The following ZMYND8 variants were observed in gnomAD, a reference collection of about 807,000 sequenced individuals.
The protein encoded by ZMYND8 is MYND-type zinc finger-containing chromatin reader ZMYND8.
Under a neutral mutation model 140.8 loss-of-function variants are expected in ZMYND8, and 37 were observed. The ratio of observed to expected loss-of-function variants is 0.26; its 90% CI spans 0.20 to 0.35. The LOEUF (loss-of-function observed/expected upper bound fraction) is 0.35. ZMYND8 is among the 10% of genes least tolerant of loss of function. The pLI, the probability that ZMYND8 is intolerant of heterozygous loss-of-function variation, is 1.00. For missense variants in ZMYND8, 1,068 were observed against 1,570.0 expected, an observed-to-expected ratio of 0.68 and a Z score of 5.40; for synonymous variants, 592 against 597.1, an observed-to-expected ratio of 0.99 and a Z score of 0.12.
intron 2 of ZMYND8, among the ~76,000 whole-genome samples, chr20:47,325,387 G>A (rs1329306141): frequency 3.9e-5 from 6 of 152,134 alleles, no homozygotes; most frequent in Non-Finnish European, 7.3e-5. Flanking sequence ...CTAACTGAGC[G>A]ACTGTACAGG....
In ZMYND8 at chr20:47,280,729, G is replaced by C. The variant is rs539035206; in HGVS notation, c.998+1373C>G. 2.6e-5 allele frequency among the ~76,000 whole-genome samples: 4 copies of C among 152,252 alleles called. No homozygotes were observed. The East Asian group carries it at 7.7e-4, about 29-fold the overall frequency. ...TTCACATTTGTCATGCTCTGATGAAGAGGAGGGATGTACAGCCTGTCACCA... is the reference window on the plus strand; with the variant it reads ...TTCACATTTGTCATGCTCTGATGAACAGGAGGGATGTACAGCCTGTCACCA... On this transcript the variant is annotated intron_variant, in intron 10 of 22. Transcript: ENST00000471951.
At chr20:47,319,266 G>A (rs1305847155) in intron 2 of ZMYND8, 1 of 350,502 alleles carries the variant, frequency 2.9e-6, no homozygotes, top group African/African-American at 2.1e-5. Flanking sequence ...GCTCGGCTGA[G>A]CTGAAAGTCT....
At chr20:47,297,085 C>T (rs2077685904) in intron 4 of ZMYND8, among the ~76,000 whole-genome samples, 2 of 152,236 alleles carry the variant, frequency 1.3e-5, no homozygotes, top group South Asian at 4.1e-4. Flanking sequence ...TTCCAGATCC[C>T]ATGACAAATG....
intron 12 of ZMYND8, among the ~76,000 whole-genome samples, chr20:47,261,537 C>T (rs2075149088): frequency 6.9e-6 from 1 of 145,608 alleles, no homozygotes; most frequent in African/African-American, 2.6e-5. Flanking sequence ...GACCCCATCT[C>T]TAAAAAAACA....
At chr20:47,283,513 G>A in intron 9 of ZMYND8, 58 bp downstream of exon 9, 1 of 1,568,692 alleles carries the variant, frequency 6.4e-7, no homozygotes, top group Admixed American at 1.7e-5. Flanking sequence ...CTGTCTCAGG[G>A]TAGTCATCCA....
intron 12 of ZMYND8, among the ~76,000 whole-genome samples, chr20:47,252,489 G>A (rs2074271566): frequency 6.6e-6 from 1 of 151,882 alleles, no homozygotes; most frequent in African/African-American, 2.4e-5. Flanking sequence ...GAATAAAGAT[G>A]GAAACGTATA....
intron 16 of ZMYND8, among the ~76,000 whole-genome samples, chr20:47,232,260 C>G (rs2038598698): frequency 6.6e-6 from 1 of 152,064 alleles, no homozygotes; most frequent in Non-Finnish European, 1.5e-5. Context: ...TGTAATCCCA[C>G]CTACTTGGGA....
intron 2 of ZMYND8, among the ~76,000 whole-genome samples, chr20:47,333,466 C>G (rs57247484): frequency 2.0e-5 from 3 of 152,018 alleles, no homozygotes; most frequent in Admixed American, 6.6e-5. Flanking sequence ...CACAGTGGCT[C>G]TCATCTGTAA....
intron 2 of ZMYND8, among the ~76,000 whole-genome samples, chr20:47,336,987 T>C (rs554463067): frequency 6.7e-6 from 1 of 150,254 alleles, no homozygotes; most frequent in African/African-American, 2.5e-5. Context: ...ATACAGGTCA[T>C]GGTTAAGTAC....
At chr20:47,345,469 CAGA>C (rs1388032088) in intron 2 of ZMYND8, among the ~76,000 whole-genome samples, 3 of 150,406 alleles carry the variant, frequency 2.0e-5, no homozygotes, top group Non-Finnish European at 2.9e-5. Flanking sequence ...GGAAAATCAT[CAGA>C]AGGAGTTAGC....
intron 7 of ZMYND8, among the ~76,000 whole-genome samples, chr20:47,288,376 A>C (rs1009177002): frequency 1.4e-5 from 2 of 148,048 alleles, no homozygotes; most frequent in Non-Finnish European, 3.0e-5. Context: ...TTGAGTTTAT[A>C]ATCTTTACAC....
In ZMYND8 at chr20:47,294,723, G is replaced by A. The variant is rs1320039760; in HGVS notation, c.510C>T (p.Thr170=). The change falls in exon 5 of 23, where the codon ACC becomes ACT. Residue 170 remains threonine, a synonymous_variant. Transcript: ENST00000471951. ...ETQSKAMTML[T]IEQLSYLLKF... ...TGAGCAGGTAGGATAACTGTTCAAT[G>A]GTGAGCATTGTCATGGCTTTACTCT... The A allele has an allele frequency of 1.9e-6, 3 of 1,614,150 alleles. No homozygotes were observed.
chr20:47,316,511 G>A (rs775693191), intron 2 of ZMYND8, among the ~76,000 whole-genome samples: 1 of 151,634 alleles, frequency 6.6e-6, no homozygotes, highest in Non-Finnish European at 1.5e-5. Context: ...TAAGAGTTTC[G>A]GCCAGGTGTG....
chr20:47,336,979 A>G (rs1296006547), intron 2 of ZMYND8, among the ~76,000 whole-genome samples: 1 of 152,046 alleles, frequency 6.6e-6, no homozygotes, highest in African/African-American at 2.4e-5. Context: ...CCCTTGGAAT[A>G]CAGGTCATGG....
chr20:47,304,806 G>T (rs967129295), intron 3 of ZMYND8, among the ~76,000 whole-genome samples: 1 of 152,234 alleles, frequency 6.6e-6, no homozygotes, highest in Non-Finnish European at 1.5e-5. Flanking sequence ...CCATCTTACA[G>T]AGGCAGCCCC....
chr20:47,259,091 G>A (rs796778703), intron 12 of ZMYND8, among the ~76,000 whole-genome samples: 10 of 152,000 alleles, frequency 6.6e-5, no homozygotes, highest in African/African-American at 2.4e-4. Context: ...GACCCACAGT[G>A]TCACGAGGAA....
chr20:47,335,154 G>A, intron 2 of ZMYND8, among the ~76,000 whole-genome samples: 1 of 152,026 alleles, frequency 6.6e-6, no homozygotes, highest in East Asian at 1.9e-4. Flanking sequence ...GGCTGCAGTG[G>A]GAGGACTGCT....
intron 6 of ZMYND8, among the ~76,000 whole-genome samples, chr20:47,290,895 AG>A (rs1482427397): frequency 6.6e-6 from 1 of 152,170 alleles, no homozygotes; most frequent in Admixed American, 6.5e-5. Flanking sequence ...CCGGCCAAAC[AG>A]GGTATTTCAT....
At chr20:47,315,807 G>T (rs1338117101) in intron 2 of ZMYND8, among the ~76,000 whole-genome samples, 1 of 152,158 alleles carries the variant, frequency 6.6e-6, no homozygotes, top group African/African-American at 2.4e-5. Flanking sequence ...AGTAGGACCT[G>T]TGACCCCGCC....
Sources: allele counts gnomAD v4.1 joint callset (sites outside exome capture counted in the v4.1 genomes callset), GRCh38; gene constraint gnomAD v4.1.1; transcripts MANE v1.5; gene names NCBI Gene and HGNC (gene_info 2026-07-23, HGNC 2026-07-21).